Variants in GRID1 observed in about 807,000 individuals in gnomAD.
GRID1 encodes the protein glutamate receptor ionotropic, delta-1.
GRID1 carries 28 observed loss-of-function variants against 98.0 expected under a neutral mutation model. The ratio of observed to expected loss-of-function variants is 0.29; its 90% CI spans 0.21 to 0.39. The LOEUF (loss-of-function observed/expected upper bound fraction) is 0.39, where lower values mean the gene tolerates loss of function less well. Ranked by LOEUF, GRID1 falls within the 10% of genes least tolerant of loss-of-function variation. The pLI is 1.00. For missense variants in GRID1, 1,111 were observed against 1,340.5 expected (o/e 0.83, Z 2.67); for synonymous variants, 553 against 538.5 (o/e 1.03, Z -0.37).
chr10:85,621,146 A>T (rs1842854910), intron 13 of GRID1, among the ~76,000 whole-genome samples: 1 of 152,154 alleles, frequency 6.6e-6, no homozygotes, highest in Admixed American at 6.5e-5. Context: ...GGCCATCTTA[A>T]AACAAAGTAG....
intron 2 of GRID1, among the ~76,000 whole-genome samples, chr10:86,307,695 C>T (rs1432398082): frequency 6.6e-6 from 1 of 151,952 alleles, no homozygotes; most frequent in Non-Finnish European, 1.5e-5. Context: ...TTCCTCACCA[C>T]AAAAAAGAAA....
At chr10:85,814,005 T>C in intron 8 of GRID1, among the ~76,000 whole-genome samples, 1 of 151,808 alleles carries the variant, frequency 6.6e-6, no homozygotes, top group Admixed American at 6.5e-5. Flanking sequence ...TTTTTAAAAA[T>C]TTAAATAATT....
intron 4 of GRID1, among the ~76,000 whole-genome samples, chr10:86,113,636 C>T (rs989235116): frequency 6.6e-6 from 1 of 152,178 alleles, no homozygotes; most frequent in Non-Finnish European, 1.5e-5. Flanking sequence ...GTGGCCTCGC[C>T]TGGTTTACCC....
intron 2 of GRID1, among the ~76,000 whole-genome samples, chr10:86,231,905 C>T (rs1401606423): frequency 6.6e-6 from 1 of 152,224 alleles, no homozygotes; most frequent in African/African-American, 2.4e-5. Flanking sequence ...TTCCCCGAGG[C>T]TGGCACACAG....
chr10:85,801,322 T>C (rs971178598), intron 8 of GRID1, among the ~76,000 whole-genome samples: 1 of 151,932 alleles, frequency 6.6e-6, no homozygotes, highest in Non-Finnish European at 1.5e-5. Context: ...ATGTTCTTTT[T>C]AGAAATATAA....
chr10:85,947,489 G>A (rs1451693682), intron 4 of GRID1, among the ~76,000 whole-genome samples: 1 of 152,228 alleles, frequency 6.6e-6, no homozygotes, highest in African/African-American at 2.4e-5. Flanking sequence ...TTTTGGGAAT[G>A]AAGCTATGGC....
chr10:85,704,497 T>C (rs1428789092), intron 12 of GRID1, among the ~76,000 whole-genome samples: 1 of 152,172 alleles, frequency 6.6e-6, no homozygotes, highest in Non-Finnish European at 1.5e-5. Context: ...GAAAGAGACT[T>C]AGACTCCCAC....
At chr10:86,023,182 G>A (rs1843072985) in intron 4 of GRID1, among the ~76,000 whole-genome samples, 1 of 152,126 alleles carries the variant, frequency 6.6e-6, no homozygotes, top group Non-Finnish European at 1.5e-5. Flanking sequence ...GAGGGATGCA[G>A]TAGAGAGACC....
At chr10:85,695,014 T>A (rs1841378473) in intron 12 of GRID1, among the ~76,000 whole-genome samples, 1 of 152,072 alleles carries the variant, frequency 6.6e-6, no homozygotes, top group Non-Finnish European at 1.5e-5. Context: ...GATGAATATA[T>A]GAGAACTCTA....
chr10:85,682,799 G>A (rs533146094), intron 12 of GRID1, among the ~76,000 whole-genome samples: 12 of 152,318 alleles, frequency 7.9e-5, no homozygotes, highest in African/African-American at 2.9e-4. Flanking sequence ...TGTATCTGAT[G>A]TGCAGCCAAG....
intron 4 of GRID1, among the ~76,000 whole-genome samples, chr10:85,981,072 C>T (rs540041586): frequency 6.6e-6 from 1 of 152,310 alleles, no homozygotes; most frequent in Admixed American, 6.5e-5. Context: ...GACAAGGTTG[C>T]ATGTGGGGAT....
chr10:86,058,688 T>C (rs58856206), intron 4 of GRID1, among the ~76,000 whole-genome samples: 5,957 of 152,260 alleles, frequency 0.039, 405 homozygotes, highest in African/African-American at 0.13. Flanking sequence ...GATGTTAAGA[T>C]GCCACCCTTC....
At chr10:85,810,152 A>G (rs1842657947) in intron 8 of GRID1, among the ~76,000 whole-genome samples, 1 of 147,018 alleles carries the variant, frequency 6.8e-6, no homozygotes, top group Admixed American at 6.7e-5. Flanking sequence ...CTGTAACACC[A>G]TGACCCCAGC....
intron 4 of GRID1, among the ~76,000 whole-genome samples, chr10:85,956,556 G>A (rs992674144): frequency 6.6e-6 from 1 of 152,120 alleles, no homozygotes; most frequent in Non-Finnish European, 1.5e-5. Flanking sequence ...TGACCACAAG[G>A]GACCATCTTG....
chr10:85,787,375 T>G (rs1367318850), intron 8 of GRID1, among the ~76,000 whole-genome samples: 1 of 152,158 alleles, frequency 6.6e-6, no homozygotes, highest in South Asian at 2.1e-4. Context: ...GCTGTCCACC[T>G]GGACCCAGTT....
At chr10:86,175,295 T>C (rs147247937) in intron 3 of GRID1, among the ~76,000 whole-genome samples, 10 of 150,682 alleles carry the variant, frequency 6.6e-5, no homozygotes, top group Non-Finnish European at 1.2e-4. Context: ...CTCACTCACT[T>C]ACTCCCAAAA....
chr10:86,075,204 G>T (rs894820560), intron 4 of GRID1, among the ~76,000 whole-genome samples: 11 of 145,830 alleles, frequency 7.5e-5, no homozygotes, highest in Non-Finnish European at 1.7e-4. Flanking sequence ...ATATGCCAGA[G>T]TTCTAACTCC....
At position 86,353,293 on chromosome 10, in the gene GRID1, G is replaced by A. The variant is rs118075081; in HGVS notation, c.235+10648C>T. Among the ~76,000 whole-genome samples, 1,412 of 152,368 alleles carry A rather than the reference G, an allele frequency of 9.3e-3. 9 individuals are homozygous for A. The highest frequency in any genetic ancestry group is 0.02 in the Middle Eastern group (6 of 294). On this transcript the variant is annotated intron_variant, in intron 2 of 15. Transcript: ENST00000327946. Reference sequence around the variant, plus strand: ...TGCCACCTCCCAACTGGGACCTCACGTGAGTCCAGGAGGAGTCTGAGGGGG... The same window carrying A: ...TGCCACCTCCCAACTGGGACCTCACATGAGTCCAGGAGGAGTCTGAGGGGG...
At chr10:85,871,307 A>G (rs947947171) in intron 5 of GRID1, among the ~76,000 whole-genome samples, 1 of 152,166 alleles carries the variant, frequency 6.6e-6, no homozygotes, top group African/African-American at 2.4e-5. Context: ...ACAGTGAAAA[A>G]CAGAATGGTT....
Sources: gnomAD v4.1 joint callset for allele counts (sites outside exome capture counted in the v4.1 genomes callset) on GRCh38, gnomAD v4.1.1 for gene constraint, MANE v1.5 for transcripts, NCBI Gene and HGNC (gene_info 2026-07-23, HGNC 2026-07-21) for gene names.